The following LARGE1 variants were observed in gnomAD, a reference collection of about 807,000 sequenced individuals.
The protein encoded by LARGE1 is xylosyl- and glucuronyltransferase LARGE1.
LARGE1 carries 43 observed loss-of-function variants against 87.6 expected under a neutral mutation model. That is an observed-to-expected ratio of 0.49 (90% confidence interval 0.38 to 0.63). The LOEUF (loss-of-function observed/expected upper bound fraction) is 0.63, where lower values mean the gene tolerates loss of function less well. Ranked by LOEUF, LARGE1 falls within the 30% of genes least tolerant of loss-of-function variation. The pLI is 0.00. For missense variants in LARGE1, 802 were observed against 1,000.2 expected, an observed-to-expected ratio of 0.80 and a Z score of 2.67; for synonymous variants, 434 against 394.6, an observed-to-expected ratio of 1.10 and a Z score of -1.18.
At chr22:33,651,347 G>T (rs888786341) in intron 2 of LARGE1, among the ~76,000 whole-genome samples, 2 of 125,084 alleles carry the variant, frequency 1.6e-5, no homozygotes, top group Non-Finnish European at 3.1e-5. Context: ...AGCCGAGATC[G>T]CACCACTGCA....
At chr22:33,221,401 T>C (rs1006467439) in intron 11 of LARGE1, among the ~76,000 whole-genome samples, 2 of 152,294 alleles carry the variant, frequency 1.3e-5, no homozygotes, top group South Asian at 4.1e-4. Flanking sequence ...GACATAGTTT[T>C]AAGTCAAAAA....
chr22:33,777,569 G>C (rs1376741824), intron 1 of LARGE1, among the ~76,000 whole-genome samples: 1 of 150,312 alleles, frequency 6.7e-6, no homozygotes, highest in Non-Finnish European at 1.5e-5. Context: ...CTTGAGCCCA[G>C]GAGGTCAAGG....
chr22:33,797,290 G>T (rs1353166249), intron 1 of LARGE1, among the ~76,000 whole-genome samples: 3 of 152,102 alleles, frequency 2.0e-5, no homozygotes, highest in Admixed American at 1.3e-4. Flanking sequence ...CCTTCACCAA[G>T]CCCTTAGCTC....
At chr22:33,588,611 A>G (rs1051355373) in intron 5 of LARGE1, among the ~76,000 whole-genome samples, 4 of 152,220 alleles carry the variant, frequency 2.6e-5, no homozygotes, top group African/African-American at 4.8e-5. Flanking sequence ...AAGTTGGAAA[A>G]TTAGAATATA....
At chr22:33,568,781 A>AAAAAAAT (rs1226491483) in intron 5 of LARGE1, among the ~76,000 whole-genome samples, 1 of 151,850 alleles carries the variant, frequency 6.6e-6, no homozygotes. Context: ...AAAAAAAAAA[A>AAAAAAAT]AAAATAAGCA....
At chr22:33,301,539 A>G (rs1490282457) in intron 12 of LARGE1, among the ~76,000 whole-genome samples, 1 of 152,108 alleles carries the variant, frequency 6.6e-6, no homozygotes, top group East Asian at 1.9e-4. Context: ...AAATATGAAT[A>G]CCTAGTAACC....
chr22:33,858,265 A>C (rs2063813912), intron 1 of LARGE1, among the ~76,000 whole-genome samples: 1 of 152,186 alleles, frequency 6.6e-6, no homozygotes, highest in South Asian at 2.1e-4. Context: ...GAGGGATGGA[A>C]GTCAGCGGCA....
At chr22:33,653,611 G>C (rs1322469861) in intron 2 of LARGE1, among the ~76,000 whole-genome samples, 1 of 152,116 alleles carries the variant, frequency 6.6e-6, no homozygotes, top group South Asian at 2.1e-4. Flanking sequence ...AAGAGTGATG[G>C]GAGGCTTAAG....
intron 3 of LARGE1, among the ~76,000 whole-genome samples, chr22:33,649,635 A>C (rs1435121311): frequency 2.0e-5 from 3 of 152,172 alleles, no homozygotes; most frequent in Non-Finnish European, 4.4e-5. Context: ...TAAATCACTA[A>C]AGCTGGGATA....
At chr22:33,497,034 G>A (rs2070162177) in intron 6 of LARGE1, among the ~76,000 whole-genome samples, 1 of 151,624 alleles carries the variant, frequency 6.6e-6, no homozygotes, top group South Asian at 2.1e-4. Context: ...CAGACTCAGG[G>A]AAGTTGGAAA....
At chr22:33,512,539 A>G (rs529397232) in intron 6 of LARGE1, among the ~76,000 whole-genome samples, 6 of 152,368 alleles carry the variant, frequency 3.9e-5, no homozygotes, top group Admixed American at 6.5e-5. Flanking sequence ...GCAGTGGCTC[A>G]CGCCTGTAAT....
the LARGE1 span, among the ~76,000 whole-genome samples, chr22:33,090,156 G>T: frequency 1.3e-4 from 20 of 152,292 alleles, no homozygotes; most frequent in African/African-American, 4.3e-4. Context: ...AGATAGCCGA[G>T]ATCGCACCAC....
chr22:33,141,517 C>A, the LARGE1 span, among the ~76,000 whole-genome samples: 6 of 151,658 alleles, frequency 4.0e-5, no homozygotes, highest in Admixed American at 3.3e-4. Context: ...CAGTTATATA[C>A]GTATAAAATA....
chr22:33,108,750 T>G, the LARGE1 span: 1 of 152,122 alleles, frequency 6.6e-6, no homozygotes, highest in Non-Finnish European at 1.5e-5. Context: ...TATTAGCAAT[T>G]ATACTACTGT....
At chr22:33,664,213 T>C (rs2081206646) in intron 2 of LARGE1, among the ~76,000 whole-genome samples, 1 of 152,180 alleles carries the variant, frequency 6.6e-6, no homozygotes. Context: ...TGGAAGGAGA[T>C]GATGACTTAG....
intron 1 of LARGE1, among the ~76,000 whole-genome samples, chr22:33,912,432 C>T (rs2065664410): frequency 6.6e-6 from 1 of 152,186 alleles, no homozygotes; most frequent in Non-Finnish European, 1.5e-5. Flanking sequence ...TTCCTAAATT[C>T]TATGGCTACC....
the LARGE1 span, among the ~76,000 whole-genome samples, chr22:33,146,539 C>T: frequency 1.4e-4 from 22 of 152,186 alleles, no homozygotes; most frequent in Admixed American, 1.1e-3. Context: ...TTGGCCTCTA[C>T]GCTTTACTCT....
Position 33,274,273 on chromosome 22 carries a change from G to T in LARGE1, c.*154C>A, listed in dbSNP as rs73399512. On this transcript the variant is annotated 3_prime_UTR_variant, in exon 15 of 15. Transcript: ENST00000397394. The stretch of plus-strand genomic sequence containing the variant: ...GGGACTGGCTGGATCCTTGTCCAAG[G>T]TCTCTGTAGTGAGGGCAGCTTGGCT... The T allele has an allele frequency of 9.8e-3, 7,440 of 762,890 alleles. 375 individuals are homozygous for T. The African/African-American group carries it at 0.11, about 11-fold the overall frequency. 47.3% of individuals were successfully genotyped at this position (762,890 alleles called of 1,614,324 possible).
intron 1 of LARGE1, among the ~76,000 whole-genome samples, chr22:33,900,864 T>C (rs1487540657): frequency 6.6e-6 from 1 of 152,128 alleles, no homozygotes; most frequent in Non-Finnish European, 1.5e-5. Flanking sequence ...TTGCCCAACA[T>C]GGCGAAACCC....
Sources: allele counts gnomAD v4.1 joint callset (sites outside exome capture counted in the v4.1 genomes callset), GRCh38; gene constraint gnomAD v4.1.1; transcripts MANE v1.5; gene names NCBI Gene and HGNC (gene_info 2026-07-23, HGNC 2026-07-21).